Variants in PEBP1 observed in about 807,000 individuals in gnomAD.
PEBP1 encodes phosphatidylethanolamine binding protein 1.
Under a neutral mutation model 22.7 loss-of-function variants are expected in PEBP1, and 17 were observed. That is an observed-to-expected ratio of 0.75 (90% CI 0.51 to 1.12). The LOEUF (loss-of-function observed/expected upper bound fraction) is 1.12. Ranked by LOEUF, PEBP1 falls within the 50% of genes most tolerant of loss-of-function variation. PEBP1 has a pLI of 0.00. For missense variants in PEBP1, 205 were observed against 243.5 expected, an observed-to-expected ratio of 0.84 and a Z score of 1.05; for synonymous variants, 106 against 104.3, an observed-to-expected ratio of 1.02 and a Z score of -0.10.
intron 3 of PEBP1, 139 bp from the exon 4 acceptor site, chr12:118,144,447 C>T: frequency 1.3e-6 from 1 of 762,828 alleles, no homozygotes; most frequent in Non-Finnish European, 2.1e-6. Flanking sequence ...GCACCAAATA[C>T]CTGTCTGGAC....
In PEBP1 at chr12:118,136,438, G is replaced by A; in HGVS notation, c.135+94G>A. The A allele has an allele frequency of 7.1e-7, 1 of 1,400,762 alleles. No homozygotes were observed. Among genetic ancestry groups the A allele is most frequent in the Non-Finnish European group, 9.4e-7 (1 of 1,062,588 alleles). 86.8% of individuals were successfully genotyped at this position (1,400,762 alleles called of 1,614,324 possible). ...CCCAGCGGAGACAGGGCCAGGGGCG[G>A]TGGGGAGGTTCAGCCTGCGTGTGTC... On this transcript the variant is annotated intron_variant, in intron 1 of 3. Transcript: ENST00000261313. The surrounding 1 kb of genome is among the most constrained non-coding windows in gnomAD (Gnocchi z 5.6).
rs1049997441 is a variant in PEBP1 at position 118,136,453 on chromosome 12, C to A, written c.135+109C>A. The A allele has an allele frequency of 3.8e-6, 5 of 1,313,212 alleles. No homozygotes were observed. Among genetic ancestry groups the A allele is most frequent in the Middle Eastern group, 2.7e-4 (1 of 3,704 alleles). 81.3% of individuals were successfully genotyped at this position (1,313,212 alleles called of 1,614,324 possible). ...GCCAGGGGCGGTGGGGAGGTTCAGC[C>A]TGCGTGTGTCGAGGCCCCCCCAGGC... On this transcript the variant is annotated intron_variant, in intron 1 of 3. Coordinates refer to ENST00000261313, the MANE Select transcript of PEBP1 (RefSeq NM_002567.4). The surrounding 1 kb of genome is among the most constrained non-coding windows in gnomAD (Gnocchi z 5.6).
In PEBP1 at chr12:118,144,868, CATGT is replaced by C. The variant is rs2034144131; in HGVS notation, c.*68_*71del. The C allele has an allele frequency of 1.2e-6, 2 of 1,608,728 alleles. No individual in the cohort carries two copies. Among genetic ancestry groups the C allele is most frequent in the Admixed American group, 3.3e-5 (2 of 59,898 alleles). On this transcript the variant is annotated 3_prime_UTR_variant, in exon 4 of 4. Transcript: ENST00000261313. ...AGCCATGTTCCCCAGTTCAGTGTTG[CATGT>C]ATAATAGATTTCTCCTCTTCCTGCC...
rs2034059565 is a variant in PEBP1 at position 118,136,414 on chromosome 12, C to A, written c.135+70C>A. The A allele has an allele frequency of 1.4e-6, 2 of 1,470,502 alleles. No individual in the cohort carries two copies. Among genetic ancestry groups the A allele is most frequent in the South Asian group, 1.3e-5 (1 of 74,608 alleles). The allele number at this position is 1,470,502 out of a possible 1,614,324, so 91.1% of individuals were successfully genotyped here. On this transcript the variant is annotated intron_variant, in intron 1 of 3. Coordinates refer to ENST00000261313, the MANE Select transcript of PEBP1 (RefSeq NM_002567.4). The surrounding 1 kb of genome is among the most constrained non-coding windows in gnomAD (Gnocchi z 5.6). ...CCTGTGCCGGCCTCCTGGGTGGGAC[C>A]CAGCGGAGACAGGGCCAGGGGCGGT...
chr12:118,145,410 A>G lies in PEBP1; in HGVS notation c.*607A>G, dbSNP rs2034148478. 1 of 173,078 alleles carries G rather than the reference A, an allele frequency of 5.8e-6. No individual in the cohort carries two copies. Among genetic ancestry groups the G allele is most frequent in the Admixed American group, 5.6e-5 (1 of 17,970 alleles). 10.7% of individuals were successfully genotyped at this position (173,078 alleles called of 1,614,324 possible). A position where few individuals can be genotyped will look rare whatever the true frequency, so the allele number is the denominator to read the frequency against. On this transcript the variant is annotated 3_prime_UTR_variant, in exon 4 of 4. Coordinates refer to ENST00000261313, the MANE Select transcript of PEBP1 (RefSeq NM_002567.4). ...AGGGTGGCTTTGCTGTTGTTGGGAC[A>G]TGGCAATCTAGACCGGTAGCAGCGC...
intron 3 of PEBP1, among the ~76,000 whole-genome samples, chr12:118,140,669 G>A (rs1243224679): frequency 6.6e-6 from 1 of 151,952 alleles, no homozygotes; most frequent in Non-Finnish European, 1.5e-5. Context: ...CTCCCGAGTA[G>A]CTGGGACTAC....
intron 3 of PEBP1, 87 bp from the exon 4 acceptor site, chr12:118,144,499 C>A: frequency 7.6e-7 from 1 of 1,315,138 alleles, no homozygotes; most frequent in Non-Finnish European, 1.1e-6. Flanking sequence ...TGGGTGCCTC[C>A]ATGTTGAAAC....
At position 118,136,744 on chromosome 12, in the gene PEBP1, T is replaced by G. The variant is rs79672660; in HGVS notation, c.135+400T>G. Among the ~76,000 whole-genome samples the G allele has an allele frequency of 0.013, 1,981 of 152,296 alleles. 41 individuals are homozygous for G. Among genetic ancestry groups the G allele is most frequent in the African/African-American group, 0.044 (1,832 of 41,550 alleles). ...GAGCTTCCCCTAGGGCCTCAGCATT[T>G]TAGGCCTGGTTTTGGAGGGCTGAAG... On this transcript the variant is annotated intron_variant, in intron 1 of 3. Transcript: ENST00000261313. The surrounding 1 kb of genome is among the most constrained non-coding windows in gnomAD (Gnocchi z 5.6).
At chr12:118,141,488 T>A (rs984071431) in intron 3 of PEBP1, among the ~76,000 whole-genome samples, 1 of 152,106 alleles carries the variant, frequency 6.6e-6, no homozygotes, top group African/African-American at 2.4e-5. Flanking sequence ...AATCCCAGCA[T>A]GTTGGGAGGT....
At chr12:118,139,423 T>C (rs2034095636) in intron 2 of PEBP1, 28 bp from the exon 3 acceptor site, 1 of 1,509,158 alleles carries the variant, frequency 6.6e-7, no homozygotes, top group Admixed American at 1.7e-5. Flanking sequence ...TCTCCTGTGG[T>C]GCTGACATCC....
intron 3 of PEBP1, among the ~76,000 whole-genome samples, chr12:118,139,781 C>T (rs2034099286): frequency 6.6e-6 from 1 of 151,654 alleles, no homozygotes; most frequent in Non-Finnish European, 1.5e-5. Context: ...TCTCTGCACC[C>T]CTAGCCCTTT....
intron 3 of PEBP1, among the ~76,000 whole-genome samples, 193 bp from the exon 4 acceptor site, chr12:118,144,393 C>T (rs748897889): frequency 1.4e-4 from 21 of 152,038 alleles, no homozygotes. Flanking sequence ...AAAGTAATTG[C>T]GGTTTTTGCC....
rs2034068171 is a variant in PEBP1, at chr12:118,136,995, A to G, written c.135+651A>G. Among the ~76,000 whole-genome samples, 1 of 152,218 alleles carries G rather than the reference A, an allele frequency of 6.6e-6. No individual in the cohort carries two copies. The highest frequency in any genetic ancestry group is 2.4e-5 in the African/African-American group (1 of 41,460). On this transcript the variant is annotated intron_variant, in intron 1 of 3. Coordinates refer to ENST00000261313, the MANE Select transcript of PEBP1 (RefSeq NM_002567.4). This position sits in a 1 kb window ranked among gnomAD's most constrained non-coding sequence, Gnocchi z 5.6. ...ATGAAGCTCCGGGCAACAGCGTAAA[A>G]TAAACTGCCCCGACCTTACATTGTT... is the stretch of plus-strand genomic sequence containing the variant.
Position 118,139,511 on chromosome 12 carries a change from CCT to C in PEBP1, c.310_311del (p.Ser104ArgfsTer30). On this transcript the variant is annotated frameshift_variant, in exon 3 of 4. Transcript: ENST00000261313. LOFTEE classifies it high-confidence loss of function. ...KGNDISSGTV[L>X]SDYVGSGPPK... ...GCAATGACATCAGCAGTGGCACAGT[CCT>C]CTCCGATTATGTGGGCTCGGGGCCT... 1 of 1,613,450 alleles carries C rather than the reference CCT, an allele frequency of 6.2e-7. No homozygotes were observed. Among genetic ancestry groups the C allele is most frequent in the Non-Finnish European group, 8.5e-7 (1 of 1,179,714 alleles).
chr12:118,140,861 AAG>A lies in PEBP1; in HGVS notation c.346+1311_346+1312del, dbSNP rs533408337. On this transcript the variant is annotated intron_variant, in intron 3 of 3. Coordinates refer to ENST00000261313, the MANE Select transcript of PEBP1 (RefSeq NM_002567.4). ...CAGAGCTGTGTTCTCATTTTTAAAA[AAG>A]CCTCAGTAACTCATTTTCTTGTTGT... Among the ~76,000 whole-genome samples the A allele has an allele frequency of 2.9e-4, 44 of 152,252 alleles. 2 individuals carry two copies. The South Asian group carries it at 9.1e-3, about 32-fold the overall frequency.
At chr12:118,143,197 T>A (rs1032460225) in intron 3 of PEBP1, among the ~76,000 whole-genome samples, 1 of 152,120 alleles carries the variant, frequency 6.6e-6, no homozygotes, top group Non-Finnish European at 1.5e-5. Flanking sequence ...TTTTTCATCT[T>A]CCCCAACAGA....
chr12:118,144,670 A>G lies in PEBP1; in HGVS notation c.431A>G (p.Asp144Gly). The G allele has an allele frequency of 6.2e-7, 1 of 1,614,064 alleles. No individual in the cohort carries two copies. Among genetic ancestry groups the G allele is most frequent in the Non-Finnish European group, 8.5e-7 (1 of 1,180,016 alleles). The part of the protein sequence containing the change: ...DEPILSNRSG[D>G]HRGKFKVASF... ...CCCATCCTCAGCAACCGATCTGGAG[A>G]CCACCGTGGCAAATTCAAGGTGGCG... Residue 144 changes from aspartate to glycine, a missense_variant, in exon 4 of 4, where the codon GAC becomes GGC. Physicochemically the swap from Asp to Gly is moderately conservative, Grantham distance 94. Transcript: ENST00000261313.
At chr12:118,140,829 C>T (rs540377751) in intron 3 of PEBP1, among the ~76,000 whole-genome samples, 5 of 151,986 alleles carry the variant, frequency 3.3e-5, no homozygotes, top group South Asian at 2.1e-4. Flanking sequence ...TGAGCCACTG[C>T]GCCCGGCAGA....
At chr12:118,139,430 A>G in intron 2 of PEBP1, 21 bp from the exon 3 acceptor site, 2 of 1,562,534 alleles carry the variant, frequency 1.3e-6, no homozygotes, top group African/African-American at 1.4e-5. Flanking sequence ...TGGTGCTGAC[A>G]TCCCGTGTTT....
Sources: gnomAD v4.1 joint callset for allele counts (sites outside exome capture counted in the v4.1 genomes callset) on GRCh38, gnomAD v4.1.1 for gene constraint, Gnocchi (gnomAD v3.1) non-coding constraint, MANE v1.5 for transcripts, NCBI Gene and HGNC (gene_info 2026-07-23, HGNC 2026-07-21) for gene names.